SETX: variants seen among roughly 807,000 people sequenced by gnomAD.
SETX encodes senataxin, also known as helicase senataxin.
In SETX, 90 loss-of-function variants were observed where a neutral mutation model predicts 227.2. The observed-to-expected ratio is 0.40, with a 90% CI of 0.33 to 0.47. The LOEUF (loss-of-function observed/expected upper bound fraction) is 0.47, where lower values mean the gene tolerates loss of function less well. Ranked by LOEUF, SETX falls within the 20% of genes least tolerant of loss-of-function variation. The probability of loss-of-function intolerance (pLI) is 0.91; values close to 1 mark genes in which losing one functional copy is unlikely to be tolerated. For missense variants in SETX, 3,052 were observed against 3,181.5 expected, an observed-to-expected ratio of 0.96 and a Z score of 0.98; for synonymous variants, 1,210 against 1,113.2, an observed-to-expected ratio of 1.09 and a Z score of -1.73.
At chr9:132,336,677 A>G (rs2089021550) in intron 5 of SETX, among the ~76,000 whole-genome samples, 162 bp from the exon 6 acceptor site, 2 of 152,174 alleles carry the variant, frequency 1.3e-5, no homozygotes, top group South Asian at 4.1e-4. Flanking sequence ...GAACATACTA[A>G]CCCCTAATAA....
intron 9 of SETX, 58 bp from the exon 10 acceptor site, chr9:132,330,557 A>C: frequency 6.8e-7 from 1 of 1,471,234 alleles, no homozygotes; most frequent in Non-Finnish European, 9.4e-7. Context: ...GACAGGTTCA[A>C]CACCCAAGTC....
chr9:132,304,672 T>C (rs1589687082), intron 11 of SETX, among the ~76,000 whole-genome samples: 1 of 147,586 alleles, frequency 6.8e-6, no homozygotes, highest in Non-Finnish European at 1.5e-5. Flanking sequence ...AAAAAGAAAA[T>C]TCTCCCCAAA....
At chr9:132,273,464 A>G (rs1842995412) in intron 23 of SETX, among the ~76,000 whole-genome samples, 1 of 152,184 alleles carries the variant, frequency 6.6e-6, no homozygotes, top group African/African-American at 2.4e-5. Context: ...CACCCGGCCT[A>G]TTTAGGTGTT....
chr9:132,299,734 T>C (rs12352209), intron 12 of SETX, among the ~76,000 whole-genome samples: 8,334 of 152,260 alleles, frequency 0.055, 378 homozygotes, highest in East Asian at 0.17. Context: ...TTAACACTGA[T>C]GACAGCCTTG....
intron 12 of SETX, among the ~76,000 whole-genome samples, chr9:132,298,609 G>A (rs1844812404): frequency 6.6e-6 from 1 of 152,162 alleles, no homozygotes; most frequent in African/African-American, 2.4e-5. Context: ...GCTGGTCCGA[G>A]AAGGTCTTCC....
chr9:132,322,477 A>T (rs1846424117), intron 10 of SETX, among the ~76,000 whole-genome samples: 1 of 152,200 alleles, frequency 6.6e-6, no homozygotes, highest in South Asian at 2.1e-4. Flanking sequence ...GAATCATATA[A>T]TATGTGACCT....
At chr9:132,304,644 AAAAG>A (rs1213503272) in intron 11 of SETX, among the ~76,000 whole-genome samples, 18 of 151,852 alleles carry the variant, frequency 1.2e-4, no homozygotes, top group East Asian at 1.2e-3. Flanking sequence ...AAAAAAAAAA[AAAAG>A]AAAGAAAGAA....
chr9:132,277,188 A>G (rs1364722987), intron 21 of SETX, 36 bp from the exon 22 acceptor site: 1 of 1,585,766 alleles, frequency 6.3e-7, no homozygotes, highest in Non-Finnish European at 8.6e-7. Flanking sequence ...ATTCAGAATA[A>G]AGTCAAGATT....
At chr9:132,269,334 A>T in intron 25 of SETX, 2 of 1,193,590 alleles carry the variant, frequency 1.7e-6, no homozygotes, top group Non-Finnish European at 2.3e-6. Flanking sequence ...GGCACTTTAC[A>T]TCTGTGGGTT....
chr9:132,339,496 T>C (rs1309604731), intron 5 of SETX, among the ~76,000 whole-genome samples: 1 of 152,202 alleles, frequency 6.6e-6, no homozygotes, highest in Admixed American at 6.5e-5. Flanking sequence ...ATCTAAATGC[T>C]GTACACCTCT....
Position 132,327,730 on chromosome 9 carries a change from T to C in SETX, c.3868A>G (p.Lys1290Glu), listed in dbSNP as rs768507561. ...TCATATGCCTTACGAGGACCCTTTT[T>C]CAGGCCAAGTTTCTCAGCTGTTGAA... ...PTSTAEKLGL[K>E]KGPRKAYELS... Residue 1290 changes from lysine to glutamate, a missense_variant, in exon 10 of 26, where the codon AAA (lysine) becomes GAA (glutamate). Lys to Glu is a moderately conservative substitution (Grantham distance 56). Coordinates refer to ENST00000224140, the MANE Select transcript of SETX (RefSeq NM_015046.7). 1 of 1,614,108 alleles carries C rather than the reference T, an allele frequency of 6.2e-7. No individual in the cohort carries two copies. The highest frequency in any genetic ancestry group is 8.5e-7 in the Non-Finnish European group (1 of 1,180,044).
At chr9:132,288,721 T>G (rs1301484421) in intron 15 of SETX, 70 bp from the exon 16 acceptor site, 6 of 972,416 alleles carry the variant, frequency 6.2e-6, no homozygotes, top group Non-Finnish European at 8.2e-6. Context: ...ATACATAGTA[T>G]CTATATTTCT....
chr9:132,339,622 C>T (rs953306662), intron 5 of SETX, among the ~76,000 whole-genome samples: 7 of 152,006 alleles, frequency 4.6e-5, no homozygotes, highest in Admixed American at 2.0e-4. Flanking sequence ...GTACAACTTT[C>T]CTTTTGTGAG....
chr9:132,308,030 T>C (rs1171268365), intron 11 of SETX, among the ~76,000 whole-genome samples: 1 of 152,236 alleles, frequency 6.6e-6, no homozygotes, highest in Non-Finnish European at 1.5e-5. Context: ...CAAGTATTTA[T>C]ACTGCCTTTC....
chr9:132,302,024 CA>C (rs1845025548), intron 11 of SETX, among the ~76,000 whole-genome samples: 1 of 152,124 alleles, frequency 6.6e-6, no homozygotes, highest in African/African-American at 2.4e-5. Flanking sequence ...CAGCTGTCCC[CA>C]AATTAATCTT....
intron 7 of SETX, among the ~76,000 whole-genome samples, chr9:132,333,832 G>GT (rs1847423558): frequency 1.3e-5 from 2 of 152,344 alleles, no homozygotes; most frequent in South Asian, 4.1e-4. Flanking sequence ...GTACAGGATA[G>GT]AGTACAGGCA....
intron 7 of SETX, among the ~76,000 whole-genome samples, chr9:132,332,448 G>C (rs911926288): frequency 3.9e-4 from 60 of 152,150 alleles, no homozygotes; most frequent in African/African-American, 1.4e-3. Flanking sequence ...CGTCATCCTA[G>C]AACTTGTGAC....
intron 10 of SETX, among the ~76,000 whole-genome samples, chr9:132,325,842 G>GA (rs2131421653): frequency 6.7e-6 from 1 of 149,994 alleles, no homozygotes; most frequent in East Asian, 2.0e-4. Flanking sequence ...TGAGGCAGGA[G>GA]AATCACTTGA....
At position 132,297,457 on chromosome 9, in the gene SETX, G is replaced by A. The variant is rs113782239; in HGVS notation, c.5782-403C>T. 4.4e-3 allele frequency among the ~76,000 whole-genome samples: 671 copies of A among 152,152 alleles called. 2 individuals carry two copies. Among genetic ancestry groups the A allele is most frequent in the African/African-American group, 0.016 (643 of 41,474 alleles). On this transcript the variant is annotated intron_variant, in intron 13 of 25. Coordinates refer to ENST00000224140, the MANE Select transcript of SETX (RefSeq NM_015046.7). ...CAAGACTATTTATTTCCTAGCACAT[G>A]TGATACAGTGGAAAAAGCATGTATG...
Sources: allele counts gnomAD v4.1 joint callset (sites outside exome capture counted in the v4.1 genomes callset), GRCh38; gene constraint gnomAD v4.1.1; transcripts MANE v1.5; gene names NCBI Gene and HGNC (gene_info 2026-07-23, HGNC 2026-07-21).